The following GPHN variants were observed in gnomAD, a reference collection of about 807,000 sequenced individuals.
GPHN encodes the protein gephyrin.
GPHN carries 17 observed loss-of-function variants against 95.5 expected under a neutral mutation model. The ratio of observed to expected loss-of-function variants is 0.18; its 90% CI spans 0.12 to 0.27. The LOEUF (loss-of-function observed/expected upper bound fraction) is 0.27, where lower values mean the gene tolerates loss of function less well. GPHN is among the 10% of genes least tolerant of loss of function. The pLI is 1.00. For synonymous variants in GPHN, 320 were observed against 322.5 expected (o/e 0.99, Z 0.08); for missense variants, 660 against 978.1 (o/e 0.67, Z 4.34).
the GPHN span, among the ~76,000 whole-genome samples, chr14:67,556,173 T>C: frequency 6.6e-6 from 1 of 152,218 alleles, no homozygotes; most frequent in Non-Finnish European, 1.5e-5. Context: ...AACCTGTCCA[T>C]TGAGGGTTAG....
chr14:66,829,810 G>C (rs1032964639), intron 4 of GPHN, among the ~76,000 whole-genome samples: 1 of 152,080 alleles, frequency 6.6e-6, no homozygotes, highest in Non-Finnish European at 1.5e-5. Context: ...TGCCATGCTT[G>C]GTACTGAAGT....
chr14:67,193,505 C>G, the GPHN span, among the ~76,000 whole-genome samples: 5 of 124,068 alleles, frequency 4.0e-5, no homozygotes, highest in African/African-American at 1.5e-4. Context: ...ATCTAGATAT[C>G]CATATATATA....
chr14:66,738,360 A>G (rs187227103), intron 2 of GPHN, among the ~76,000 whole-genome samples: 1 of 135,028 alleles, frequency 7.4e-6, no homozygotes, highest in African/African-American at 2.5e-5. Context: ...ATTCTATTAT[A>G]AAGTTACTTT....
At chr14:66,509,166 C>T (rs925441079) in intron 1 of GPHN, 1 of 156,108 alleles carries the variant, frequency 6.4e-6, no homozygotes, top group African/African-American at 2.4e-5. Flanking sequence ...CATGGGGCAC[C>T]CTTCGCCTCC....
chr14:66,971,357 C>T (rs1163127086), intron 9 of GPHN, among the ~76,000 whole-genome samples: 1 of 152,102 alleles, frequency 6.6e-6, no homozygotes, highest in Non-Finnish European at 1.5e-5. Flanking sequence ...AAAGCCTTTA[C>T]ATGTTAACAT....
At chr14:67,716,081 C>G in the GPHN span, among the ~76,000 whole-genome samples, 4 of 151,914 alleles carry the variant, frequency 2.6e-5, no homozygotes, top group African/African-American at 9.7e-5. Flanking sequence ...CCTGTAGTCC[C>G]AGCTACTCTG....
At chr14:67,150,796 T>A (rs944722000) in intron 18 of GPHN, among the ~76,000 whole-genome samples, 1 of 152,064 alleles carries the variant, frequency 6.6e-6, no homozygotes, top group Non-Finnish European at 1.5e-5. Flanking sequence ...GCTTAAGCAA[T>A]AATCCTCCTG....
intron 13 of GPHN, among the ~76,000 whole-genome samples, chr14:67,103,687 G>T (rs117477402): frequency 0.012 from 1,870 of 151,018 alleles, 19 homozygotes; most frequent in Non-Finnish European, 0.019. Context: ...TTTGTTCTTG[G>T]TGTGTAGAAA....
chr14:67,043,388 A>G (rs2074822159), intron 10 of GPHN, among the ~76,000 whole-genome samples: 2 of 152,106 alleles, frequency 1.3e-5, no homozygotes, highest in Admixed American at 1.3e-4. Flanking sequence ...AGCTCTTGTT[A>G]TTTTGAGATG....
At chr14:67,569,268 G>A in the GPHN span, 8 of 1,329,438 alleles carry the variant, frequency 6.0e-6, no homozygotes, top group Admixed American at 6.8e-5. Context: ...TGGGCAGGGT[G>A]GGCAAGCGGG....
At chr14:67,240,745 C>T in the GPHN span, among the ~76,000 whole-genome samples, 1 of 152,044 alleles carries the variant, frequency 6.6e-6, no homozygotes, top group East Asian at 1.9e-4. Flanking sequence ...GCCCGGAGCA[C>T]GGGCTGATCT....
the GPHN span, among the ~76,000 whole-genome samples, chr14:67,398,983 T>C: frequency 4.6e-5 from 7 of 152,324 alleles, no homozygotes; most frequent in East Asian, 1.3e-3. Flanking sequence ...GTAACTGAGG[T>C]TGTTCCATTT....
At chr14:67,482,781 G>A in the GPHN span, among the ~76,000 whole-genome samples, 1 of 152,122 alleles carries the variant, frequency 6.6e-6, no homozygotes, top group Non-Finnish European at 1.5e-5. Context: ...GCCACTGGCT[G>A]GTGCACATGC....
At chr14:66,931,854 C>T (rs1353935546) in intron 8 of GPHN, among the ~76,000 whole-genome samples, 2 of 152,198 alleles carry the variant, frequency 1.3e-5, no homozygotes, top group Non-Finnish European at 2.9e-5. Flanking sequence ...TTACTACAGA[C>T]TTGGTCACTG....
intron 5 of GPHN, among the ~76,000 whole-genome samples, chr14:66,903,330 T>C (rs1476507829): frequency 6.6e-6 from 1 of 152,192 alleles, no homozygotes; most frequent in Non-Finnish European, 1.5e-5. Flanking sequence ...TGAATTGACC[T>C]CTTTATCATT....
intron 1 of GPHN, among the ~76,000 whole-genome samples, chr14:66,607,915 T>C (rs1433817089): frequency 6.6e-6 from 1 of 151,934 alleles, no homozygotes; most frequent in Non-Finnish European, 1.5e-5. Context: ...ATGAGAAGTC[T>C]GTCAATCTTT....
the GPHN span, among the ~76,000 whole-genome samples, chr14:67,693,426 A>G: frequency 6.6e-6 from 1 of 152,098 alleles, no homozygotes; most frequent in South Asian, 2.1e-4. Context: ...CAATCTGTCC[A>G]CAACTGGCAT....
At chr14:67,124,795 TCTCC>T (rs1320491706) in intron 17 of GPHN, among the ~76,000 whole-genome samples, 4 of 145,214 alleles carry the variant, frequency 2.8e-5, no homozygotes, top group Non-Finnish European at 5.9e-5. Context: ...TTCTGCCCAT[TCTCC>T]CTCTTACTGT....
chr14:67,393,708 C>T, the GPHN span, among the ~76,000 whole-genome samples: 1 of 152,124 alleles, frequency 6.6e-6, no homozygotes, highest in Non-Finnish European at 1.5e-5. Flanking sequence ...CCTGCCTCAG[C>T]CTCCGAAAGT....
Sources: allele counts gnomAD v4.1 joint callset (sites outside exome capture counted in the v4.1 genomes callset), GRCh38; gene constraint gnomAD v4.1.1; transcripts MANE v1.5; gene names NCBI Gene and HGNC (gene_info 2026-07-23, HGNC 2026-07-21).